Variants in CNTNAP2 observed in about 807,000 individuals in gnomAD.
CNTNAP2 encodes the protein contactin associated protein 2, also known as contactin-associated protein-like 2.
Under a neutral mutation model 155.2 loss-of-function variants are expected in CNTNAP2, and 98 were observed. The observed-to-expected ratio is 0.63, with a 90% CI of 0.54 to 0.75. The LOEUF is 0.75. Among genes scored for constraint, CNTNAP2 ranks in the 30% least tolerant of loss-of-function variants. CNTNAP2 has a pLI of 0.00. For missense variants in CNTNAP2, 1,727 were observed against 1,688.1 expected (o/e 1.02, Z -0.40); for synonymous variants, 651 against 631.2 (o/e 1.03, Z -0.47).
intron 3 of CNTNAP2, among the ~76,000 whole-genome samples, chr7:146,996,955 C>T (rs541382922): frequency 1.8e-4 from 27 of 152,200 alleles, no homozygotes; most frequent in African/African-American, 5.8e-4. Flanking sequence ...AGGCTCCTTT[C>T]GCTTGGCTCT....
intron 14 of CNTNAP2, among the ~76,000 whole-genome samples, chr7:147,908,691 T>G (rs1800010046): frequency 6.6e-6 from 1 of 152,208 alleles, no homozygotes. Context: ...AGCACATACA[T>G]CCAAATGAAA....
chr7:147,360,049 G>A (rs60686477), intron 9 of CNTNAP2, among the ~76,000 whole-genome samples: 2,967 of 152,054 alleles, frequency 0.02, 98 homozygotes, highest in African/African-American at 0.068. Context: ...AGACACAATC[G>A]TATATTAAAG....
intron 3 of CNTNAP2, among the ~76,000 whole-genome samples, chr7:146,922,824 A>G (rs922420803): frequency 6.6e-6 from 1 of 152,326 alleles, no homozygotes; most frequent in Non-Finnish European, 1.5e-5. Context: ...AGTTTCTATT[A>G]CTTAGAGCAG....
intron 10 of CNTNAP2, among the ~76,000 whole-genome samples, chr7:147,466,840 C>A (rs1017136130): frequency 1.4e-4 from 22 of 152,152 alleles, no homozygotes; most frequent in Non-Finnish European, 2.1e-4. Context: ...ATCACTTGAA[C>A]CCCAGGAGGC....
At chr7:146,966,931 A>C (rs933563512) in intron 3 of CNTNAP2, among the ~76,000 whole-genome samples, 6 of 152,208 alleles carry the variant, frequency 3.9e-5, no homozygotes, top group South Asian at 2.1e-4. Flanking sequence ...TGGTAGCCCC[A>C]AATTGTAATT....
At chr7:146,310,952 A>G (rs1457098164) in intron 1 of CNTNAP2, among the ~76,000 whole-genome samples, 1 of 152,224 alleles carries the variant, frequency 6.6e-6, no homozygotes, top group Admixed American at 6.5e-5. Context: ...CTATTACAAT[A>G]TAGCATAATC....
At chr7:147,354,854 C>A (rs1563172299) in intron 9 of CNTNAP2, among the ~76,000 whole-genome samples, 2 of 152,050 alleles carry the variant, frequency 1.3e-5, no homozygotes, top group Admixed American at 6.6e-5. Flanking sequence ...TCCTTCACAT[C>A]CCATGTAAGT....
chr7:146,527,193 C>G (rs1037909555), intron 1 of CNTNAP2, among the ~76,000 whole-genome samples: 1 of 151,984 alleles, frequency 6.6e-6, no homozygotes, highest in Non-Finnish European at 1.5e-5. Context: ...TTAGAAAGCT[C>G]CACAATTGGA....
chr7:146,198,521 T>C (rs1283460251), intron 1 of CNTNAP2, among the ~76,000 whole-genome samples: 1 of 152,192 alleles, frequency 6.6e-6, no homozygotes, highest in African/African-American at 2.4e-5. Context: ...GAAATGGCAG[T>C]CTTATTAGCT....
intron 3 of CNTNAP2, among the ~76,000 whole-genome samples, chr7:146,892,181 C>T (rs1304596797): frequency 6.6e-6 from 1 of 152,162 alleles, no homozygotes; most frequent in Non-Finnish European, 1.5e-5. Context: ...CAATGGCTGG[C>T]AAGTTGATGC....
At chr7:147,632,078 T>G (rs1795095813) in intron 12 of CNTNAP2, among the ~76,000 whole-genome samples, 1 of 152,130 alleles carries the variant, frequency 6.6e-6, no homozygotes, top group Admixed American at 6.5e-5. Context: ...GCACACTATG[T>G]AGGTGACAAA....
chr7:147,903,372 TC>T (rs1392183658), intron 13 of CNTNAP2, among the ~76,000 whole-genome samples, 192 bp from the exon 14 acceptor site: 1 of 152,178 alleles, frequency 6.6e-6, no homozygotes, highest in Non-Finnish European at 1.5e-5. Flanking sequence ...TGGATATTAG[TC>T]CTTTGTCAGA....
At position 147,132,326 on chromosome 7, in the gene CNTNAP2, C is replaced by G; in HGVS notation, c.1165C>G (p.Arg389Gly). 6.2e-7 allele frequency: 1 copy of G among 1,613,710 alleles called. No homozygotes were observed. The highest frequency in any genetic ancestry group is 8.5e-7 in the Non-Finnish European group (1 of 1,179,802). The change falls in exon 8 of 24, where the codon CGG (arginine) becomes GGG (glycine). Residue 389 changes from arginine to glycine, a missense_variant. Coordinates refer to ENST00000361727, the MANE Select transcript of CNTNAP2 (RefSeq NM_014141.6). ...NATSYLEVPG[R>G]LNQDLFSVSF... Reference sequence around the variant, plus strand: ...TACAAGTTACCTGGAGGTGCCCGGACGGCTTAACCAGGACCTGTTCTCAGT... The same window carrying G: ...TACAAGTTACCTGGAGGTGCCCGGAGGGCTTAACCAGGACCTGTTCTCAGT...
At chr7:147,374,767 T>A (rs1202500571) in intron 9 of CNTNAP2, among the ~76,000 whole-genome samples, 1 of 151,990 alleles carries the variant, frequency 6.6e-6, no homozygotes, top group Admixed American at 6.6e-5. Context: ...GAGGGGCCCT[T>A]TTCCTGGTGT....
chr7:147,864,262 C>G (rs989814108), intron 13 of CNTNAP2, among the ~76,000 whole-genome samples: 2 of 152,070 alleles, frequency 1.3e-5, no homozygotes, highest in African/African-American at 4.8e-5. Flanking sequence ...ATTTCTGATG[C>G]CTCTGTTCTG....
intron 4 of CNTNAP2, among the ~76,000 whole-genome samples, chr7:147,071,679 A>G (rs1403505665): frequency 6.6e-6 from 1 of 152,198 alleles, no homozygotes; most frequent in East Asian, 1.9e-4. Context: ...TAAGAGTGAG[A>G]CATGTGGAAA....
chr7:147,657,767 A>G (rs1217477628), intron 13 of CNTNAP2, among the ~76,000 whole-genome samples: 1 of 152,224 alleles, frequency 6.6e-6, no homozygotes, highest in African/African-American at 2.4e-5. Flanking sequence ...ATTAATGAAG[A>G]CATTGGCCTT....
chr7:147,730,262 A>G (rs1796715691), intron 13 of CNTNAP2, among the ~76,000 whole-genome samples: 1 of 152,098 alleles, frequency 6.6e-6, no homozygotes, highest in Non-Finnish European at 1.5e-5. Context: ...TAATTGTTTT[A>G]TTGGGTTTTG....
chr7:147,554,361 A>G (rs1383332776), intron 11 of CNTNAP2, among the ~76,000 whole-genome samples: 1 of 151,692 alleles, frequency 6.6e-6, no homozygotes, highest in Non-Finnish European at 1.5e-5. Context: ...TGGCATTGCA[A>G]TAGTATGGAT....
Sources: allele counts gnomAD v4.1 joint callset (sites outside exome capture counted in the v4.1 genomes callset), GRCh38; gene constraint gnomAD v4.1.1; transcripts MANE v1.5; gene names NCBI Gene and HGNC (gene_info 2026-07-23, HGNC 2026-07-21).